Variants in SLCO5A1 observed in about 807,000 individuals in gnomAD.
SLCO5A1 encodes solute carrier organic anion transporter family member 5A1.
In SLCO5A1, 39 loss-of-function variants were observed where a neutral mutation model predicts 65.1. The observed-to-expected ratio is 0.60, with a 90% CI of 0.46 to 0.78. The LOEUF is 0.78. Among genes scored for constraint, SLCO5A1 ranks in the 30% least tolerant of loss-of-function variants. SLCO5A1 has a pLI of 0.00. For missense variants in SLCO5A1, 1,029 were observed against 1,069.4 expected (o/e 0.96, Z 0.53); for synonymous variants, 438 against 415.7 (o/e 1.05, Z -0.65).
intron 5 of SLCO5A1, among the ~76,000 whole-genome samples, chr8:69,732,042 C>A (rs1816359856): frequency 1.3e-5 from 2 of 152,104 alleles, no homozygotes; most frequent in Non-Finnish European, 2.9e-5. Context: ...GCTGTTGATG[C>A]CCTTAGAAGA....
intron 2 of SLCO5A1, among the ~76,000 whole-genome samples, chr8:69,780,637 T>C (rs1470685845): frequency 2.6e-5 from 4 of 152,080 alleles, no homozygotes; most frequent in African/African-American, 4.8e-5. Flanking sequence ...TGATAGAATA[T>C]GGAGATTTGG....
chr8:69,828,607 A>AAAAAG (rs544333410), intron 2 of SLCO5A1, among the ~76,000 whole-genome samples: 149 of 151,952 alleles, frequency 9.8e-4, no homozygotes, highest in African/African-American at 3.1e-3. Context: ...TCTCAAAAAA[A>AAAAAG]AAAAGAAAAG....
intron 2 of SLCO5A1, among the ~76,000 whole-genome samples, chr8:69,805,936 T>C (rs186196712): frequency 2.4e-4 from 36 of 152,380 alleles, no homozygotes; most frequent in Middle Eastern, 3.4e-3. Flanking sequence ...AAGGAAACTC[T>C]TGTTTCTCAC....
chr8:69,780,255 G>T (rs772777731), intron 2 of SLCO5A1, among the ~76,000 whole-genome samples: 5 of 152,112 alleles, frequency 3.3e-5, no homozygotes, highest in Non-Finnish European at 5.9e-5. Flanking sequence ...ATTTCTCAAA[G>T]AATTAAAAAT....
intron 3 of SLCO5A1, among the ~76,000 whole-genome samples, chr8:69,758,187 T>A (rs1365265200): frequency 6.6e-6 from 1 of 152,144 alleles, no homozygotes; most frequent in African/African-American, 2.4e-5. Context: ...TATTTATTTA[T>A]CTTGATTTTT....
chr8:69,677,628 C>T (rs1440492423), intron 8 of SLCO5A1, among the ~76,000 whole-genome samples: 1 of 152,146 alleles, frequency 6.6e-6, no homozygotes, highest in Non-Finnish European at 1.5e-5. Flanking sequence ...GGTTGTTATT[C>T]CATAAATATC....
chr8:69,736,518 T>C (rs1816568179), intron 5 of SLCO5A1, among the ~76,000 whole-genome samples: 1 of 152,208 alleles, frequency 6.6e-6, no homozygotes, highest in African/African-American at 2.4e-5. Flanking sequence ...TGGCTGGAAC[T>C]GGGGCACACA....
intron 3 of SLCO5A1, among the ~76,000 whole-genome samples, chr8:69,756,230 C>T (rs2130859564): frequency 6.6e-6 from 1 of 152,238 alleles, no homozygotes; most frequent in East Asian, 1.9e-4. Flanking sequence ...CATGGTGAAA[C>T]CCTGTCTCTA....
intron 2 of SLCO5A1, among the ~76,000 whole-genome samples, chr8:69,818,590 C>A (rs372607296): frequency 6.6e-6 from 1 of 152,332 alleles, no homozygotes; most frequent in South Asian, 2.1e-4. Flanking sequence ...AAAGGCTGAT[C>A]TCTGTTATTT....
At chr8:69,802,033 G>C (rs1166904422) in intron 2 of SLCO5A1, among the ~76,000 whole-genome samples, 1 of 152,170 alleles carries the variant, frequency 6.6e-6, no homozygotes, top group Admixed American at 6.5e-5. Context: ...AGTAGGACTT[G>C]CTAGATTGAG....
In SLCO5A1 at chr8:69,672,813, C is replaced by T; in HGVS notation, c.*56G>A. The T allele has an allele frequency of 6.5e-7, 1 of 1,536,318 alleles. No homozygotes were observed. On this transcript the variant is annotated 3_prime_UTR_variant, in exon 10 of 10. Coordinates refer to ENST00000260126, the MANE Select transcript of SLCO5A1 (RefSeq NM_030958.3). ...GAAAGAAAAGAAGGCACAGTTGTTTCTCAAGTCGCCATTTTCAATTCAACC... is the reference window on the plus strand; with the variant it reads ...GAAAGAAAAGAAGGCACAGTTGTTTTTCAAGTCGCCATTTTCAATTCAACC...
intron 2 of SLCO5A1, among the ~76,000 whole-genome samples, chr8:69,815,911 G>A (rs1020116119): frequency 6.6e-6 from 1 of 152,092 alleles, no homozygotes; most frequent in African/African-American, 2.4e-5. Context: ...AGATACTACA[G>A]TATCTACTGA....
intron 9 of SLCO5A1, among the ~76,000 whole-genome samples, chr8:69,675,748 T>C (rs1307657879): frequency 1.3e-5 from 2 of 152,106 alleles, no homozygotes; most frequent in Non-Finnish European, 2.9e-5. Context: ...TCTTCAAAAC[T>C]GAAATAAGAA....
intron 2 of SLCO5A1, among the ~76,000 whole-genome samples, chr8:69,828,121 A>G (rs550830627): frequency 6.6e-6 from 1 of 152,302 alleles, no homozygotes; most frequent in South Asian, 2.1e-4. Flanking sequence ...TCTCCATCTT[A>G]TAAGGTCATT....
intron 4 of SLCO5A1, among the ~76,000 whole-genome samples, chr8:69,739,476 G>T (rs1254954856): frequency 6.6e-6 from 1 of 152,002 alleles, no homozygotes; most frequent in Non-Finnish European, 1.5e-5. Context: ...TCATAGAAAA[G>T]GTAAGCTGTA....
At chr8:69,709,593 A>G (rs2959574) in intron 5 of SLCO5A1, among the ~76,000 whole-genome samples, 91,368 of 152,110 alleles carry the variant, frequency 0.6, 27,655 homozygotes, top group South Asian at 0.72. Flanking sequence ...GAACAAATAT[A>G]CACTGATTGC....
At chr8:69,685,939 T>A (rs958699451) in intron 6 of SLCO5A1, among the ~76,000 whole-genome samples, 1 of 151,220 alleles carries the variant, frequency 6.6e-6, no homozygotes, top group Non-Finnish European at 1.5e-5. Flanking sequence ...TGCTATAGGG[T>A]CATTACAGCT....
chr8:69,830,202 G>T (rs1437118295), intron 2 of SLCO5A1, among the ~76,000 whole-genome samples: 1 of 152,130 alleles, frequency 6.6e-6, no homozygotes, highest in African/African-American at 2.4e-5. Context: ...CTCTATAACA[G>T]CTTTTGGGGA....
In SLCO5A1 at chr8:69,667,211, C is replaced by T. The variant is rs1207631654; in HGVS notation, c.*5658G>A. 1 of 152,128 alleles carries T rather than the reference C, an allele frequency of 6.6e-6. No individual in the cohort carries two copies. Among genetic ancestry groups the T allele is most frequent in the Non-Finnish European group, 1.5e-5 (1 of 68,012 alleles). The allele number at this position is 152,128 out of a possible 1,614,324, so 9.4% of individuals were successfully genotyped here. On this transcript the variant is annotated 3_prime_UTR_variant, in exon 10 of 10. Transcript: ENST00000260126. ...CCTTAAAAAGTCTCCAAATGAATAT[C>T]ATTTTAAAAATCACAAAATCAAACT...
Sources: gnomAD v4.1 joint callset for allele counts (sites outside exome capture counted in the v4.1 genomes callset) on GRCh38, gnomAD v4.1.1 for gene constraint, MANE v1.5 for transcripts, NCBI Gene and HGNC (gene_info 2026-07-23, HGNC 2026-07-21) for gene names.